The following ARG2 variants were observed in gnomAD, a reference collection of about 807,000 sequenced individuals.
ARG2 encodes the protein arginase-2, mitochondrial.
ARG2 carries 21 observed loss-of-function variants against 39.4 expected under a neutral mutation model. The ratio of observed to expected loss-of-function variants is 0.53; its 90% CI spans 0.38 to 0.77. The LOEUF (loss-of-function observed/expected upper bound fraction) is 0.77, where lower values mean the gene tolerates loss of function less well. Ranked by LOEUF, ARG2 falls within the 30% of genes least tolerant of loss-of-function variation. The pLI, the probability that ARG2 is intolerant of heterozygous loss-of-function variation, is 0.00. For synonymous variants in ARG2, 150 were observed against 156.7 expected, an observed-to-expected ratio of 0.96 and a Z score of 0.32; for missense variants, 378 against 426.2, an observed-to-expected ratio of 0.89 and a Z score of 1.00.
chr14:67,628,229 T>C (rs2036887111), intron 2 of ARG2, among the ~76,000 whole-genome samples: 2 of 152,218 alleles, frequency 1.3e-5, no homozygotes, highest in Admixed American at 1.3e-4. Flanking sequence ...ATTCTTTTAT[T>C]TTATAGATAG....
At chr14:67,620,249 T>C (rs2036794484) in intron 1 of ARG2, among the ~76,000 whole-genome samples, 161 bp downstream of exon 1, 1 of 143,104 alleles carries the variant, frequency 7.0e-6, no homozygotes, top group South Asian at 2.4e-4. Context: ...CGTGGGAGCA[T>C]GTGGGATATC....
rs80299003 is a variant in ARG2 at position 67,624,687 on chromosome 14, T to C, written c.184+3721T>C. Reference sequence around the variant, plus strand: ...CTCCCACCAGGCCAGACCTCCAACATTGGGGATTAAAATTCAACATGAGAT... The same window carrying C: ...CTCCCACCAGGCCAGACCTCCAACACTGGGGATTAAAATTCAACATGAGAT... On this transcript the variant is annotated intron_variant, in intron 2 of 7. Transcript: ENST00000261783. Among the ~76,000 whole-genome samples, 760 of 152,172 alleles carry C rather than the reference T, an allele frequency of 5.0e-3. 33 individuals carry two copies. The East Asian group carries it at 0.083, about 17-fold the overall frequency.
intron 3 of ARG2, among the ~76,000 whole-genome samples, chr14:67,643,253 A>G (rs1309141182): frequency 6.6e-6 from 1 of 152,242 alleles, no homozygotes; most frequent in African/African-American, 2.4e-5. Context: ...AATTTGTGAT[A>G]TATTAAGGCC....
intron 2 of ARG2, among the ~76,000 whole-genome samples, chr14:67,624,494 C>CG: frequency 6.6e-6 from 1 of 152,154 alleles, no homozygotes; most frequent in Non-Finnish European, 1.5e-5. Context: ...ATAATCATGG[C>CG]GGAAGGTGAA....
At chr14:67,631,454 GA>G (rs1469943119) in intron 2 of ARG2, among the ~76,000 whole-genome samples, 2 of 28,408 alleles carry the variant, frequency 7.0e-5, no homozygotes, top group Admixed American at 4.0e-4. Context: ...TTTTTTTTTT[GA>G]GACAGGGTCT....
At chr14:67,628,839 A>C (rs906303917) in intron 2 of ARG2, among the ~76,000 whole-genome samples, 2 of 152,226 alleles carry the variant, frequency 1.3e-5, no homozygotes, top group African/African-American at 2.4e-5. Flanking sequence ...AAAATTAAAA[A>C]TAGAATTACT....
At position 67,627,720 on chromosome 14, in the gene ARG2, A is replaced by G. The variant is rs2036882819; in HGVS notation, c.184+6754A>G. 2.6e-5 allele frequency among the ~76,000 whole-genome samples: 4 copies of G among 152,300 alleles called. No individual in the cohort carries two copies. The South Asian group carries it at 8.3e-4, about 32-fold the overall frequency. On this transcript the variant is annotated intron_variant, in intron 2 of 7. Transcript: ENST00000261783. Reference sequence around the variant, plus strand: ...GAGGCCAAGGTGGGAAGATTGCTTGAGGCCAGGAGTTTAAGATCAGCCTGG... The same window carrying G: ...GAGGCCAAGGTGGGAAGATTGCTTGGGGCCAGGAGTTTAAGATCAGCCTGG...
chr14:67,640,125 A>C (rs2037015382), intron 2 of ARG2, among the ~76,000 whole-genome samples: 2 of 151,988 alleles, frequency 1.3e-5, no homozygotes, highest in African/African-American at 2.4e-5. Context: ...AAAAAAATAA[A>C]AGATTTTTAT....
chr14:67,630,642 C>T (rs772931951), intron 2 of ARG2, among the ~76,000 whole-genome samples: 1 of 152,122 alleles, frequency 6.6e-6, no homozygotes, highest in Non-Finnish European at 1.5e-5. Flanking sequence ...TGCAGTGGCG[C>T]GATCTTGGCT....
At chr14:67,641,623 G>T (rs906114739) in intron 2 of ARG2, among the ~76,000 whole-genome samples, 1 of 152,120 alleles carries the variant, frequency 6.6e-6, no homozygotes, top group Non-Finnish European at 1.5e-5. Flanking sequence ...GTTTCAGATT[G>T]GCTATTTATA....
chr14:67,649,750 G>C (rs1211054384), intron 7 of ARG2: 1 of 152,162 alleles, frequency 6.6e-6, no homozygotes, highest in African/African-American at 2.4e-5. Flanking sequence ...ATGTACTATA[G>C]TGTAATATCA....
intron 2 of ARG2, among the ~76,000 whole-genome samples, chr14:67,638,190 T>C (rs1413741585): frequency 6.6e-6 from 1 of 152,130 alleles, no homozygotes; most frequent in African/African-American, 2.4e-5. Flanking sequence ...TGACAGTTAA[T>C]TTACTCTAAT....
At chr14:67,634,141 C>T (rs928833336) in intron 2 of ARG2, among the ~76,000 whole-genome samples, 1 of 152,176 alleles carries the variant, frequency 6.6e-6, no homozygotes, top group Non-Finnish European at 1.5e-5. Context: ...TCTCCTGTAA[C>T]TTCATTCACA....
chr14:67,622,214 T>C (rs2036817979), intron 2 of ARG2, among the ~76,000 whole-genome samples: 1 of 152,232 alleles, frequency 6.6e-6, no homozygotes. Context: ...TCTTTTCTGG[T>C]GACATAAGTG....
chr14:67,646,793 A>G, intron 5 of ARG2, 55 bp downstream of exon 5: 1 of 1,501,476 alleles, frequency 6.7e-7, no homozygotes, highest in Non-Finnish European at 9.3e-7. Context: ...ATTATGTTCT[A>G]TTTGAAAGGC....
At chr14:67,642,463 C>T in intron 3 of ARG2, 100 bp downstream of exon 3, 3 of 1,364,282 alleles carry the variant, frequency 2.2e-6, no homozygotes, top group Non-Finnish European at 3.0e-6. Context: ...GAAAAATACC[C>T]TACAGAATTT....
chr14:67,633,734 T>C (rs1358230201), intron 2 of ARG2, among the ~76,000 whole-genome samples: 6 of 152,250 alleles, frequency 3.9e-5, no homozygotes, highest in African/African-American at 1.4e-4. Context: ...CCCCGGCTCC[T>C]GCCGCATCTC....
rs2037090052 is a variant in ARG2 at position 67,645,775 on chromosome 14, A to G, written c.495A>G (p.Ser165=). 1 of 1,613,932 alleles carries G rather than the reference A, an allele frequency of 6.2e-7. No individual in the cohort carries two copies. ...SSGNLHGQPV[S]FLLRELQDKV... is the part of the protein sequence containing the mutation. ...GAAATCTCCATGGACAGCCAGTTTCATTTCTCCTCAGAGAACTACAGGATA... is the reference window on the plus strand; with the variant it reads ...GAAATCTCCATGGACAGCCAGTTTCGTTTCTCCTCAGAGAACTACAGGATA... The change falls in exon 4 of 8, where the codon TCA becomes TCG. Residue 165 remains serine (S), a synonymous_variant. Transcript: ENST00000261783.
intron 2 of ARG2, among the ~76,000 whole-genome samples, chr14:67,622,597 G>C (rs993725502): frequency 6.6e-6 from 1 of 152,220 alleles, no homozygotes; most frequent in African/African-American, 2.4e-5. Flanking sequence ...TAACTAATGG[G>C]AGGAAGTTTT....
Sources: allele counts gnomAD v4.1 joint callset (sites outside exome capture counted in the v4.1 genomes callset), GRCh38; gene constraint gnomAD v4.1.1; transcripts MANE v1.5; gene names NCBI Gene and HGNC (gene_info 2026-07-23, HGNC 2026-07-21).